The following ST3GAL1 variants were observed in gnomAD, a reference collection of about 807,000 sequenced individuals.
The protein encoded by ST3GAL1 is CMP-N-acetylneuraminate-beta-galactosamide-alpha-2,3-sialyltransferase 1.
A neutral mutation model predicts 34.1 loss-of-function variants in ST3GAL1; 16 were observed. The ratio of observed to expected loss-of-function variants is 0.47; its 90% CI spans 0.32 to 0.71. The LOEUF is 0.71. Ranked by LOEUF, ST3GAL1 falls within the 30% of genes least tolerant of loss-of-function variation. The pLI, the probability that ST3GAL1 is intolerant of heterozygous loss-of-function variation, is 0.04. For missense variants in ST3GAL1, 353 were observed against 447.4 expected (o/e 0.79, Z 1.90); for synonymous variants, 191 against 184.7 (o/e 1.03, Z -0.28).
intron 1 of ST3GAL1, among the ~76,000 whole-genome samples, chr8:133,568,333 G>T (rs575178390): frequency 1.3e-5 from 2 of 152,320 alleles, no homozygotes; most frequent in Admixed American, 6.5e-5. Context: ...CTCTCACAGG[G>T]CCCCGGTCTG....
intron 3 of ST3GAL1, among the ~76,000 whole-genome samples, chr8:133,487,728 G>A (rs1816658972): frequency 6.6e-6 from 1 of 152,184 alleles, no homozygotes; most frequent in South Asian, 2.1e-4. Context: ...CAGCACTTTG[G>A]GAGGCTAAGG....
chr8:133,537,477 G>A (rs922855087), intron 2 of ST3GAL1, among the ~76,000 whole-genome samples: 1 of 152,162 alleles, frequency 6.6e-6, no homozygotes, highest in African/African-American at 2.4e-5. Flanking sequence ...TGTGTCCTGA[G>A]GCCTGCCACA....
chr8:133,540,143 T>C (rs541880719), intron 2 of ST3GAL1, among the ~76,000 whole-genome samples: 24 of 152,238 alleles, frequency 1.6e-4, no homozygotes, highest in Admixed American at 2.6e-4. Flanking sequence ...CCTCTACACA[T>C]TAATCCGCTA....
chr8:133,484,055 C>CT (rs949195695), intron 3 of ST3GAL1, among the ~76,000 whole-genome samples: 1 of 152,136 alleles, frequency 6.6e-6, no homozygotes, highest in Non-Finnish European at 1.5e-5. Context: ...GGGGTCATCT[C>CT]TTTTTTTGCA....
At chr8:133,541,082 C>CATATATATATAGACATATATAT (rs1172519181) in intron 2 of ST3GAL1, among the ~76,000 whole-genome samples, 2 of 48,714 alleles carry the variant, frequency 4.1e-5, no homozygotes, top group African/African-American at 1.7e-4. Context: ...TATATATAGA[C>CATATATATATAGACATATATAT]ATATATATAT....
chr8:133,510,108 C>T (rs1056739623), intron 2 of ST3GAL1, among the ~76,000 whole-genome samples: 1 of 151,554 alleles, frequency 6.6e-6, no homozygotes, highest in Admixed American at 6.6e-5. Flanking sequence ...CTTCACACTT[C>T]TCTCTGGAAA....
At chr8:133,559,848 CCT>C (rs1333138744) in intron 1 of ST3GAL1, among the ~76,000 whole-genome samples, 1 of 152,200 alleles carries the variant, frequency 6.6e-6, no homozygotes, top group Non-Finnish European at 1.5e-5. Flanking sequence ...CCTGCTCAGT[CCT>C]TTCTCCAAAC....
intron 2 of ST3GAL1, among the ~76,000 whole-genome samples, chr8:133,532,546 C>A (rs769279237): frequency 1.3e-4 from 20 of 152,116 alleles, no homozygotes; most frequent in Non-Finnish European, 2.6e-4. Flanking sequence ...TGAAATAATT[C>A]CTCAATTTTA....
intron 2 of ST3GAL1, among the ~76,000 whole-genome samples, chr8:133,519,919 C>T (rs2131025249): frequency 6.6e-6 from 1 of 152,276 alleles, no homozygotes. Flanking sequence ...CACTGTGCTC[C>T]AGCCTGAGTG....
chr8:133,486,784 G>C (rs1816621184), intron 3 of ST3GAL1, among the ~76,000 whole-genome samples: 1 of 152,194 alleles, frequency 6.6e-6, no homozygotes, highest in South Asian at 2.1e-4. Context: ...CCCAACCCCA[G>C]GGACAGCAGC....
intron 1 of ST3GAL1, among the ~76,000 whole-genome samples, chr8:133,567,564 C>T (rs1404148529): frequency 1.3e-5 from 2 of 152,188 alleles, no homozygotes; most frequent in African/African-American, 4.8e-5. Context: ...GTTCCTTCTG[C>T]AATATGTACC....
At chr8:133,484,042 T>C (rs1251451979) in intron 3 of ST3GAL1, among the ~76,000 whole-genome samples, 1 of 152,220 alleles carries the variant, frequency 6.6e-6, no homozygotes, top group Non-Finnish European at 1.5e-5. Context: ...CAGTCTTGAA[T>C]TGGGGGTCAT....
intron 2 of ST3GAL1, among the ~76,000 whole-genome samples, chr8:133,511,314 G>C (rs1817492007): frequency 6.6e-6 from 1 of 152,204 alleles, no homozygotes. Flanking sequence ...AGTAGCAAAA[G>C]TTAGTGTAAT....
Position 133,467,793 on chromosome 8 carries a change from A to G in ST3GAL1, c.307-1703T>C, listed in dbSNP as rs1460440402. Among the ~76,000 whole-genome samples the G allele has an allele frequency of 1.3e-5, 2 of 152,124 alleles. No homozygotes were observed. The highest frequency in any genetic ancestry group is 2.9e-5 in the Non-Finnish European group (2 of 68,024). ...CCCGGGGCACCCAGTCCCCACTGCA[A>G]TGGAAGGAATCGGATGCCCCAAGGG... On this transcript the variant is annotated intron_variant, in intron 5 of 9. Coordinates refer to ENST00000522652, the MANE Select transcript of ST3GAL1 (RefSeq NM_173344.3). The surrounding 1 kb of genome is among the most constrained non-coding windows in gnomAD (Gnocchi z 4.2).
At chr8:133,463,523 C>A in intron 7 of ST3GAL1, 64 bp from the exon 8 acceptor site, 2 of 1,554,996 alleles carry the variant, frequency 1.3e-6, no homozygotes, top group South Asian at 2.3e-5. Flanking sequence ...CCTGGGCATG[C>A]AGCTCTGGGG....
At chr8:133,569,134 C>T (rs1238629060) in intron 1 of ST3GAL1, among the ~76,000 whole-genome samples, 2 of 152,210 alleles carry the variant, frequency 1.3e-5, no homozygotes, top group East Asian at 1.9e-4. Flanking sequence ...GGTGCTGTGG[C>T]CTCCCAGCCA....
chr8:133,532,778 A>G (rs935875599), intron 2 of ST3GAL1, among the ~76,000 whole-genome samples: 3 of 152,180 alleles, frequency 2.0e-5, no homozygotes, highest in African/African-American at 7.2e-5. Context: ...GCCCTTGTGC[A>G]GGATCTATAG....
At position 133,464,825 on chromosome 8, in the gene ST3GAL1, G is replaced by A. The variant is rs113840007; in HGVS notation, c.636C>T (p.Ile212=). ...TGGCGCTCACCACCCACTCCAAGTCGATGGTCTTGAAGGGCACCAGGATCA... is the reference window on the plus strand; with the variant it reads ...TGGCGCTCACCACCCACTCCAAGTCAATGGTCTTGAAGGGCACCAGGATCA... ...VSMILVPFKT[I]DLEWVVSAIT... Residue 212 remains isoleucine (I), a synonymous_variant, in exon 7 of 10, where the codon ATC becomes ATT. Coordinates refer to ENST00000522652, the MANE Select transcript of ST3GAL1 (RefSeq NM_173344.3). The A allele has an allele frequency of 1.9e-4, 310 of 1,613,914 alleles. 3 individuals carry two copies. The African/African-American group carries it at 2.6e-3, about 14-fold the overall frequency.
chr8:133,540,982 CATAT>C (rs1388167884), intron 2 of ST3GAL1, among the ~76,000 whole-genome samples: 1 of 92,980 alleles, frequency 1.1e-5, no homozygotes, highest in Non-Finnish European at 2.3e-5. Context: ...TATATGCAGA[CATAT>C]ATATAGACAT....
Sources: gnomAD v4.1 joint callset for allele counts (sites outside exome capture counted in the v4.1 genomes callset) on GRCh38, gnomAD v4.1.1 for gene constraint, Gnocchi (gnomAD v3.1) non-coding constraint, MANE v1.5 for transcripts, NCBI Gene and HGNC (gene_info 2026-07-23, HGNC 2026-07-21) for gene names.